Variants in PFKFB3 observed in about 807,000 individuals in gnomAD.
PFKFB3 encodes the protein 6-phosphofructo-2-kinase/fructose-2,6-biphosphatase 3.
PFKFB3 carries 33 observed loss-of-function variants against 68.0 expected under a neutral mutation model. The observed-to-expected ratio is 0.49, with a 90% CI of 0.37 to 0.65. The LOEUF (loss-of-function observed/expected upper bound fraction) is 0.65, where lower values mean the gene tolerates loss of function less well. PFKFB3 is among the 30% of genes least tolerant of loss of function. The probability of loss-of-function intolerance (pLI) is 0.00; values close to 1 mark genes in which losing one functional copy is unlikely to be tolerated. For missense variants in PFKFB3, 586 were observed against 712.2 expected (o/e 0.82, Z 2.02); for synonymous variants, 315 against 288.2 (o/e 1.09, Z -0.94).
downstream of PFKFB3, among the ~76,000 whole-genome samples, chr10:6,236,953 G>A (rs1436843703): frequency 1.3e-5 from 2 of 152,162 alleles, no homozygotes; most frequent in South Asian, 2.1e-4. Flanking sequence ...AGGGGTGGAC[G>A]TTGTACACAC....
At chr10:6,231,678 C>T in intron 14 of PFKFB3, 2 of 785,056 alleles carry the variant, frequency 2.5e-6, no homozygotes, top group Non-Finnish European at 3.1e-6. Context: ...GGCTGGGGCT[C>T]TCCCTAGATA....
Position 6,177,441 on chromosome 10 carries a change from T to TC in PFKFB3, c.16+32428_16+32429insC, listed in dbSNP as rs1564599888. On this transcript the variant is annotated intron_variant, in intron 1 of 14. Transcript: ENST00000379789. ...TCTTTCTTCCTTTCTTTTCTTTCTC[T>TC]TTCTTTCTTTCTTTCTTTCTTTCTT... is the stretch of plus-strand genomic sequence containing the variant. Among the ~76,000 whole-genome samples, 97 of 107,562 alleles carry TC rather than the reference T, an allele frequency of 9.0e-4. No individual in the cohort carries two copies. The Middle Eastern group carries it at 0.017, about 19-fold the overall frequency. The allele number at this position is 107,562 out of a possible 152,430, so 70.6% of individuals were successfully genotyped here.
the PFKFB3 span, among the ~76,000 whole-genome samples, chr10:6,278,896 C>CT: frequency 6.6e-6 from 1 of 152,188 alleles, no homozygotes; most frequent in Non-Finnish European, 1.5e-5. Context: ...CTAGGCCTGA[C>CT]TTTGTTACTT....
chr10:6,253,992 C>T (rs547517601), intron 14 of PFKFB3, among the ~76,000 whole-genome samples: 6 of 151,730 alleles, frequency 4.0e-5, no homozygotes, highest in South Asian at 4.2e-4. Flanking sequence ...TGCAGTGAGC[C>T]GAGATCGTAC....
At chr10:6,274,189 G>T in the PFKFB3 span, among the ~76,000 whole-genome samples, 40 of 151,466 alleles carry the variant, frequency 2.6e-4, 2 homozygotes, top group Admixed American at 2.5e-3. Flanking sequence ...GACAGAGCGA[G>T]ATCCTATCTC....
chr10:6,248,879 A>G (rs1398716097), intron 14 of PFKFB3, among the ~76,000 whole-genome samples: 1 of 152,132 alleles, frequency 6.6e-6, no homozygotes, highest in African/African-American at 2.4e-5. Context: ...ATGTGGAGAA[A>G]AGGAAACCCT....
chr10:6,178,667 C>T (rs1024550794), intron 1 of PFKFB3, among the ~76,000 whole-genome samples: 1 of 152,158 alleles, frequency 6.6e-6, no homozygotes, highest in Non-Finnish European at 1.5e-5. Flanking sequence ...GCGTTATTTT[C>T]CCCGGGGCCA....
chr10:6,194,990 G>A (rs930144927), intron 1 of PFKFB3, among the ~76,000 whole-genome samples: 1 of 150,816 alleles, frequency 6.6e-6, no homozygotes, highest in Non-Finnish European at 1.5e-5. Context: ...CTCCTGCCTT[G>A]GCCTCCCGAG....
At chr10:6,283,433 G>C in the PFKFB3 span, among the ~76,000 whole-genome samples, 1 of 136,562 alleles carries the variant, frequency 7.3e-6, no homozygotes, top group Non-Finnish European at 1.6e-5. Flanking sequence ...TGGCCATCTT[G>C]AGGCAACAGG....
intron 1 of PFKFB3, among the ~76,000 whole-genome samples, chr10:6,206,745 G>A (rs369191817): frequency 3.0e-4 from 42 of 141,126 alleles, no homozygotes; most frequent in East Asian, 1.2e-3. Context: ...AGGAAGAGGC[G>A]CTCCTCACTT....
At chr10:6,245,003 C>T (rs1846223944) in intron 14 of PFKFB3, among the ~76,000 whole-genome samples, 1 of 152,174 alleles carries the variant, frequency 6.6e-6, no homozygotes, top group Non-Finnish European at 1.5e-5. Context: ...TAAACTCCAC[C>T]ACTTTACAGG....
intron 12 of PFKFB3, 63 bp downstream of exon 12, chr10:6,224,083 C>T (rs79840436): frequency 1.2e-5 from 20 of 1,611,552 alleles, no homozygotes; most frequent in Admixed American, 5.0e-5. Flanking sequence ...TTCTTGTGGC[C>T]GTGGGCTGTA....
intron 1 of PFKFB3, among the ~76,000 whole-genome samples, chr10:6,164,621 TG>T (rs199523155): frequency 0.011 from 1,632 of 152,258 alleles, 61 homozygotes; most frequent in East Asian, 0.098. Context: ...GGACCCGCAC[TG>T]GTGGCCGTCT....
the PFKFB3 span, among the ~76,000 whole-genome samples, chr10:6,309,622 CG>C: frequency 1.3e-5 from 2 of 151,632 alleles, no homozygotes; most frequent in African/African-American, 4.8e-5. Flanking sequence ...ACTCCATCCC[CG>C]CCCCTCACCC....
At chr10:6,204,474 C>G (rs1368314886) in intron 1 of PFKFB3, among the ~76,000 whole-genome samples, 1 of 152,234 alleles carries the variant, frequency 6.6e-6, no homozygotes, top group East Asian at 1.9e-4. Context: ...GAGCCCTGCT[C>G]GGTCTGAATC....
chr10:6,216,232 C>T (rs765466995), intron 4 of PFKFB3, 41 bp downstream of exon 4: 5 of 1,568,728 alleles, frequency 3.2e-6, no homozygotes, highest in South Asian at 2.2e-5. Flanking sequence ...TCCAGTCCCA[C>T]CCATGAGGGT....
chr10:6,145,261 C>T (rs1159134912), intron 1 of PFKFB3, among the ~76,000 whole-genome samples: 1 of 151,868 alleles, frequency 6.6e-6, no homozygotes, highest in Non-Finnish European at 1.5e-5. Flanking sequence ...CCTCCGGCCC[C>T]ACGCGTCCCC....
chr10:6,261,569 C>A, the PFKFB3 span, among the ~76,000 whole-genome samples: 1 of 152,124 alleles, frequency 6.6e-6, no homozygotes, highest in Non-Finnish European at 1.5e-5. Flanking sequence ...AGAAAGATAA[C>A]TATTTTGGGC....
At chr10:6,179,273 C>T (rs1163846243) in intron 1 of PFKFB3, among the ~76,000 whole-genome samples, 1 of 152,236 alleles carries the variant, frequency 6.6e-6, no homozygotes, top group Non-Finnish European at 1.5e-5. Flanking sequence ...GGCAGTCTGG[C>T]TTCCCTCTGG....
Sources: allele counts gnomAD v4.1 joint callset (sites outside exome capture counted in the v4.1 genomes callset), GRCh38; gene constraint gnomAD v4.1.1; transcripts MANE v1.5; gene names NCBI Gene and HGNC (gene_info 2026-07-23, HGNC 2026-07-21).